DPP10: variants seen among roughly 807,000 people sequenced by gnomAD.
The protein encoded by DPP10 is dipeptidyl peptidase like 10.
A neutral mutation model predicts 120.9 loss-of-function variants in DPP10; 33 were observed. The observed-to-expected ratio is 0.27, with a 90% CI of 0.21 to 0.37. The LOEUF (loss-of-function observed/expected upper bound fraction) is 0.37. Among genes scored for constraint, DPP10 ranks in the 10% least tolerant of loss-of-function variants. DPP10 has a pLI of 1.00. For synonymous variants in DPP10, 337 were observed against 326.1 expected (o/e 1.03, Z -0.36); for missense variants, 816 against 942.8 (o/e 0.87, Z 1.76).
At chr2:115,578,853 C>T (rs1319766122) in intron 5 of DPP10, among the ~76,000 whole-genome samples, 4 of 152,164 alleles carry the variant, frequency 2.6e-5, no homozygotes, top group African/African-American at 4.8e-5. Flanking sequence ...CAGTGGCTTT[C>T]AAACTTGAAT....
In DPP10 at chr2:114,800,107, G is replaced by A. The variant is rs149929455; in HGVS notation, c.60+357269G>A. Among the ~76,000 whole-genome samples, 848 of 152,238 alleles carry A rather than the reference G, an allele frequency of 5.6e-3. 4 individuals are homozygous for A. Among genetic ancestry groups the A allele is most frequent in the African/African-American group, 0.019 (807 of 41,546 alleles). On this transcript the variant is annotated intron_variant, in intron 1 of 25. Coordinates refer to ENST00000410059, the MANE Select transcript of DPP10 (RefSeq NM_020868.6). ...AGCACAATGCATAAATGATGTAAGC[G>A]CAAGATTCGAACCACATGGTATGTG...
chr2:115,763,065 T>C (rs942730088), intron 12 of DPP10, among the ~76,000 whole-genome samples: 2 of 152,202 alleles, frequency 1.3e-5, no homozygotes, highest in Non-Finnish European at 2.9e-5. Flanking sequence ...GGAATCAAGA[T>C]GAACATGACG....
intron 1 of DPP10, among the ~76,000 whole-genome samples, chr2:115,112,165 A>G (rs903895499): frequency 1.3e-5 from 2 of 152,030 alleles, no homozygotes; most frequent in African/African-American, 4.8e-5. Flanking sequence ...TTTCACCTGG[A>G]ACTCTTGTTA....
intron 1 of DPP10, among the ~76,000 whole-genome samples, chr2:114,509,334 CT>C (rs1683945283): frequency 6.6e-6 from 1 of 152,224 alleles, no homozygotes; most frequent in Non-Finnish European, 1.5e-5. Flanking sequence ...TACCTACCTA[CT>C]TTAATAATAA....
At chr2:114,544,514 G>A (rs1053650127) in intron 1 of DPP10, among the ~76,000 whole-genome samples, 3 of 152,116 alleles carry the variant, frequency 2.0e-5, no homozygotes, top group African/African-American at 2.4e-5. Context: ...GCATAAAATG[G>A]TCTGAAGAAG....
At chr2:114,583,917 GCTTTT>G (rs1690738318) in intron 1 of DPP10, among the ~76,000 whole-genome samples, 1 of 151,918 alleles carries the variant, frequency 6.6e-6, no homozygotes, top group Non-Finnish European at 1.5e-5. Flanking sequence ...CTCCTTCTAG[GCTTTT>G]CTTTTATCTC....
At chr2:115,832,279 A>C (rs1281641941) in intron 21 of DPP10, among the ~76,000 whole-genome samples, 1 of 152,214 alleles carries the variant, frequency 6.6e-6, no homozygotes, top group Non-Finnish European at 1.5e-5. Context: ...ACTTGAGCCT[A>C]GGAGTTCAAG....
At chr2:115,690,595 T>C (rs1339422411) in intron 7 of DPP10, among the ~76,000 whole-genome samples, 2 of 152,070 alleles carry the variant, frequency 1.3e-5, no homozygotes, top group African/African-American at 4.8e-5. Context: ...ATATTTTTAG[T>C]AGAGACGGGG....
intron 1 of DPP10, among the ~76,000 whole-genome samples, chr2:114,966,239 C>A (rs377579625): frequency 1.3e-5 from 2 of 152,044 alleles, no homozygotes; most frequent in African/African-American, 4.8e-5. Context: ...TTTGTTCTTG[C>A]CCAAACTCAC....
Position 115,712,544 on chromosome 2 carries a change from A to T in DPP10, c.577-15272A>T, listed in dbSNP as rs1167252432. ...ATAGCTTTGAAGAGTCCTGAATTAAATATATATATATATATATATATAAAG... is the reference window on the plus strand; with the variant it reads ...ATAGCTTTGAAGAGTCCTGAATTAATTATATATATATATATATATATAAAG... On this transcript the variant is annotated intron_variant, in intron 7 of 25. Coordinates refer to ENST00000410059, the MANE Select transcript of DPP10 (RefSeq NM_020868.6). 7.9e-5 allele frequency among the ~76,000 whole-genome samples: 7 copies of T among 88,472 alleles called. 2 individuals carry two copies. In the South Asian group the frequency reaches 2.2e-3, roughly 28 times the overall value. The allele number at this position is 88,472 out of a possible 152,430, so 58.0% of individuals were successfully genotyped here. A position where few individuals can be genotyped will look rare whatever the true frequency, so the allele number is the denominator to read the frequency against.
intron 1 of DPP10, among the ~76,000 whole-genome samples, chr2:115,240,722 G>A (rs1259922391): frequency 2.0e-5 from 3 of 152,084 alleles, no homozygotes; most frequent in African/African-American, 4.8e-5. Flanking sequence ...ATATGGAGTC[G>A]AACCCACAAT....
intron 1 of DPP10, among the ~76,000 whole-genome samples, chr2:114,673,827 GA>G (rs1698501638): frequency 6.6e-6 from 1 of 151,950 alleles, no homozygotes; most frequent in Non-Finnish European, 1.5e-5. Flanking sequence ...AACAACATTA[GA>G]TTTTTTTTAA....
chr2:115,320,244 C>T (rs1266374229), intron 2 of DPP10, among the ~76,000 whole-genome samples: 1 of 152,106 alleles, frequency 6.6e-6, no homozygotes, highest in East Asian at 1.9e-4. Flanking sequence ...CCATCATTTA[C>T]CCTCAATGCA....
chr2:115,477,237 C>T (rs1294320652), intron 3 of DPP10, among the ~76,000 whole-genome samples: 1 of 152,054 alleles, frequency 6.6e-6, no homozygotes, highest in African/African-American at 2.4e-5. Flanking sequence ...CTTCTGTTTA[C>T]ACATGATGTG....
At chr2:114,459,967 G>A (rs1377798837) in intron 1 of DPP10, among the ~76,000 whole-genome samples, 1 of 152,146 alleles carries the variant, frequency 6.6e-6, no homozygotes, top group African/African-American at 2.4e-5. Flanking sequence ...AGGGTACAGT[G>A]ACATTAAAGA....
At chr2:115,711,448 C>T in intron 7 of DPP10, among the ~76,000 whole-genome samples, 1 of 152,060 alleles carries the variant, frequency 6.6e-6, no homozygotes. Flanking sequence ...GATTCTTGTA[C>T]ATCATAAAAT....
intron 1 of DPP10, among the ~76,000 whole-genome samples, chr2:114,874,229 G>A (rs1263924500): frequency 1.2e-4 from 18 of 152,142 alleles, no homozygotes; most frequent in Admixed American, 3.9e-4. Flanking sequence ...GAATGGATCC[G>A]TGATCCATTT....
intron 1 of DPP10, among the ~76,000 whole-genome samples, chr2:115,007,235 T>C (rs1453506856): frequency 6.6e-6 from 1 of 152,172 alleles, no homozygotes; most frequent in South Asian, 2.1e-4. Flanking sequence ...CATGATCAAG[T>C]GGGCTTCATC....
At chr2:114,677,052 T>C (rs530749616) in intron 1 of DPP10, among the ~76,000 whole-genome samples, 7 of 152,238 alleles carry the variant, frequency 4.6e-5, no homozygotes, top group Admixed American at 4.6e-4. Context: ...CATACTGGTG[T>C]GGCCCCAGAG....
Sources: allele counts gnomAD v4.1 joint callset (sites outside exome capture counted in the v4.1 genomes callset), GRCh38; gene constraint gnomAD v4.1.1; transcripts MANE v1.5; gene names NCBI Gene and HGNC (gene_info 2026-07-23, HGNC 2026-07-21).